ZNF330: variants seen among roughly 807,000 people sequenced by gnomAD.
The protein encoded by ZNF330 is nucleolar atypical zinc finger, also known as zinc finger protein 330.
In ZNF330, 31 loss-of-function variants were observed where a neutral mutation model predicts 45.5. That is an observed-to-expected ratio of 0.68 (90% CI 0.51 to 0.92). ZNF330 has a LOEUF of 0.92. Among genes scored for constraint, ZNF330 ranks in the 40% least tolerant of loss-of-function variants. ZNF330 has a pLI of 0.00. For missense variants in ZNF330, 356 were observed against 387.4 expected (o/e 0.92, Z 0.68); for synonymous variants, 138 against 123.2 (o/e 1.12, Z -0.79).
chr4:141,224,811 TAACAA>T (rs2111248661), intron 4 of ZNF330, 134 bp downstream of exon 4: 6 of 707,836 alleles, frequency 8.5e-6, no homozygotes, highest in Admixed American at 2.8e-5. Flanking sequence ...ATTAACAAAA[TAACAA>T]AACATGTTAT....
rs372382374 is a variant in ZNF330 at position 141,234,009 on chromosome 4, G to C, written c.*20G>C. On this transcript the variant is annotated 3_prime_UTR_variant, in exon 10 of 10. Coordinates refer to ENST00000262990, the MANE Select transcript of ZNF330 (RefSeq NM_014487.6). ...AACTAGGGGAGCTGCTCTGGTGGCCGTGTGTGAGAGGAGCAGGAGTGAGTG... is the reference window on the plus strand; with the variant it reads ...AACTAGGGGAGCTGCTCTGGTGGCCCTGTGTGAGAGGAGCAGGAGTGAGTG... 1.5e-5 allele frequency: 24 copies of C among 1,597,732 alleles called. No individual in the cohort carries two copies. In the South Asian group the frequency reaches 2.7e-4, roughly 18 times the overall value.
intron 9 of ZNF330, 23 bp downstream of exon 9, chr4:141,232,665 G>T: frequency 7.4e-7 from 1 of 1,346,198 alleles, no homozygotes. Context: ...AGATACTAAG[G>T]AAGTGATTTT....
At position 141,230,200 on chromosome 4, in the gene ZNF330, CT is replaced by C; in HGVS notation, c.456del (p.Leu153SerfsTer16). On this transcript the variant is annotated frameshift_variant, in exon 7 of 10. Transcript: ENST00000262990. LOFTEE classifies it high-confidence loss of function. ...RIFSCSFCHN[F>X]LCEDDQFEHQ... Reference sequence around the variant, plus strand: ...TATTCAGTTGTTCTTTTTGCCATAACTTTCTCTGTGAAGATGATCAATTTGA... The same window carrying C: ...TATTCAGTTGTTCTTTTTGCCATAACTTCTCTGTGAAGATGATCAATTTGA... 1 of 1,610,998 alleles carries C rather than the reference CT, an allele frequency of 6.2e-7. No individual in the cohort carries two copies. The highest frequency in any genetic ancestry group is 8.5e-7 in the Non-Finnish European group (1 of 1,178,442).
chr4:141,232,640 C>T lies in ZNF330; in HGVS notation c.686C>T (p.Ser229Leu). ...CAGGAGACTAAGGACCTTAGCATGT[C>T]AAGTAAGGCCCTTAAGATACTAAGG... The part of the protein sequence containing the change: ...ETQETKDLSM[S>L]TRSLKFGRQT... The change falls in exon 9 of 10, where the codon TCA becomes TTA. Residue 229 changes from serine to leucine, a missense_variant and splice_region_variant. Transcript: ENST00000262990. 1 of 1,526,736 alleles carries T rather than the reference C, an allele frequency of 6.5e-7. No individual in the cohort carries two copies. Among genetic ancestry groups the T allele is most frequent in the Non-Finnish European group, 8.8e-7 (1 of 1,131,422 alleles). 94.6% of individuals were successfully genotyped at this position (1,526,736 alleles called of 1,614,324 possible).
rs774609851 is a variant in ZNF330, at chr4:141,224,682, G to A, written c.211+5G>A. 1.2e-6 allele frequency: 2 copies of A among 1,611,474 alleles called. No homozygotes were observed. Among genetic ancestry groups the A allele is most frequent in the South Asian group, 2.2e-5 (2 of 90,422 alleles). On this transcript the variant is annotated splice_donor_5th_base_variant and intron_variant, in intron 4 of 9. Coordinates refer to ENST00000262990, the MANE Select transcript of ZNF330 (RefSeq NM_014487.6). ...TACCAATTTGTGCACAGTGTGGTAA[G>A]TTTGTAATAATTAAGGACATATGCT...
chr4:141,233,759 G>T lies in ZNF330; in HGVS notation c.733G>T (p.Asp245Tyr), dbSNP rs1689923205. The T allele has an allele frequency of 6.2e-7, 1 of 1,613,590 alleles. No individual in the cohort carries two copies. The highest frequency in any genetic ancestry group is 8.5e-7 in the Non-Finnish European group (1 of 1,179,718). The change falls in exon 10 of 10, where the codon GAT becomes TAT. Residue 245 changes from aspartate to tyrosine, a missense_variant. By Grantham distance (160) the Asp-to-Tyr change is radical. Transcript: ENST00000262990. ...CAGGCAGACTGGAGGTGAAGAGGGA[G>T]ATGGAGCTTCTGGGTATGATGCTTA... ...FGRQTGGEEG[D>Y]GASGYDAYWK...
rs760892522 is a variant in ZNF330 at position 141,233,949 on chromosome 4, A to G, written c.923A>G (p.Tyr308Cys). The change falls in exon 10 of 10, where the codon TAT becomes TGT. Residue 308 changes from tyrosine to cysteine, a missense_variant. Tyr to Cys is a radical substitution (Grantham distance 194). Coordinates refer to ENST00000262990, the MANE Select transcript of ZNF330 (RefSeq NM_014487.6). The stretch of plus-strand genomic sequence containing the variant: ...ACTAATTTGAATTTAGGAAGGACCT[A>G]TGCTAGTGGCTATGCTCACTATGAG... ...LFTNLNLGRT[Y>C]ASGYAHYEEQ... 1.9e-6 allele frequency: 3 copies of G among 1,613,672 alleles called. No homozygotes were observed. Among genetic ancestry groups the G allele is most frequent in the Admixed American group, 1.7e-5 (1 of 60,000 alleles).
At chr4:141,231,386 G>T in intron 7 of ZNF330, 53 bp from the exon 8 acceptor site, 1 of 1,524,646 alleles carries the variant, frequency 6.6e-7, no homozygotes, top group Non-Finnish European at 8.9e-7. Context: ...AAAGACAAAA[G>T]AAAATTCTAA....
intron 5 of ZNF330, 75 bp from the exon 6 acceptor site, chr4:141,229,496 A>G: frequency 6.3e-7 from 1 of 1,583,714 alleles, no homozygotes; most frequent in East Asian, 2.2e-5. Context: ...TACAGTTTTG[A>G]TGGTTGCCGT....
intron 5 of ZNF330, 83 bp from the exon 6 acceptor site, chr4:141,229,488 C>G (rs1728894893): frequency 6.4e-7 from 1 of 1,555,442 alleles, no homozygotes; most frequent in African/African-American, 1.4e-5. Context: ...TAAATGTATA[C>G]AGTTTTGATG....
rs1169409501 is a variant in ZNF330 at position 141,233,832 on chromosome 4, A to T, written c.806A>T (p.Asp269Val). The T allele has an allele frequency of 6.2e-7, 1 of 1,613,772 alleles. No homozygotes were observed. ...AAGTATGGTGATACCAGCTACCACG[A>T]TGAGGAGGAGGATGAGTATGAAGCA... Reference protein sequence around the residue: ...SDKYGDTSYHDEEEDEYEAED... With the variant: ...SDKYGDTSYHVEEEDEYEAED... Residue 269 changes from aspartate to valine, a missense_variant, in exon 10 of 10, where the codon GAT (aspartate) becomes GTT (valine). Asp to Val is a radical substitution (Grantham distance 152). Transcript: ENST00000262990.
chr4:141,233,766 C>T lies in ZNF330; in HGVS notation c.740C>T (p.Ala247Val). ...ACTGGAGGTGAAGAGGGAGATGGAG[C>T]TTCTGGGTATGATGCTTATTGGAAG... ...RQTGGEEGDG[A>V]SGYDAYWKNL... The change falls in exon 10 of 10, where the codon GCT becomes GTT. Residue 247 changes from alanine to valine, a missense_variant. Transcript: ENST00000262990. 1 of 1,613,494 alleles carries T rather than the reference C, an allele frequency of 6.2e-7. No homozygotes were observed.
chr4:141,225,360 A>G (rs1728779406), intron 4 of ZNF330, among the ~76,000 whole-genome samples: 1 of 152,020 alleles, frequency 6.6e-6, no homozygotes, highest in South Asian at 2.1e-4. Context: ...ATCGATATAC[A>G]TTTGAGAAAT....
At chr4:141,221,343 GAGA>G (rs905528227) in intron 1 of ZNF330, among the ~76,000 whole-genome samples, 5 of 152,296 alleles carry the variant, frequency 3.3e-5, no homozygotes, top group South Asian at 4.1e-4. Context: ...GTATAAGGCT[GAGA>G]AGAAGATTCA....
chr4:141,224,078 C>A (rs913379749), intron 2 of ZNF330: 1 of 289,892 alleles, frequency 3.4e-6, no homozygotes, highest in Admixed American at 4.7e-5. Context: ...CTCTTTGGAA[C>A]GGTGCCTTAG....
Position 141,229,654 on chromosome 4 carries a change from C to G in ZNF330, c.375C>G (p.Thr125=), listed in dbSNP as rs375273795. 3.1e-6 allele frequency: 5 copies of G among 1,612,910 alleles called. No individual in the cohort carries two copies. The African/African-American group carries it at 5.3e-5, about 17-fold the overall frequency. ...CACATGCTTGTGCCTGCCCTCTTACCGATGCTGAGTGTGTTGAATGTGAAC... is the reference window on the plus strand; with the variant it reads ...CACATGCTTGTGCCTGCCCTCTTACGGATGCTGAGTGTGTTGAATGTGAAC... ...LSTHACACPL[T]DAECVECERG... is the part of the protein sequence containing the mutation. The change falls in exon 6 of 10, where the codon ACC becomes ACG. Residue 125 remains threonine (T), a synonymous_variant. Coordinates refer to ENST00000262990, the MANE Select transcript of ZNF330 (RefSeq NM_014487.6).
chr4:141,223,788 T>C (rs756006584), intron 2 of ZNF330: 18 of 456,096 alleles, frequency 3.9e-5, no homozygotes, highest in Non-Finnish European at 7.5e-5. Context: ...GTGATAAAGT[T>C]GGCTGTGTGT....
At chr4:141,221,884 T>G (rs563008499) in intron 1 of ZNF330, among the ~76,000 whole-genome samples, 1 of 152,294 alleles carries the variant, frequency 6.6e-6, no homozygotes, top group Non-Finnish European at 1.5e-5. Context: ...GATGTTTTGT[T>G]TACATATTAC....
chr4:141,221,920 T>A (rs1016503827), intron 1 of ZNF330, among the ~76,000 whole-genome samples: 8 of 152,320 alleles, frequency 5.3e-5, no homozygotes, highest in African/African-American at 1.7e-4. Context: ...CTTGTTATAC[T>A]TAAGGTGTTG....
Sources: allele counts gnomAD v4.1 joint callset (sites outside exome capture counted in the v4.1 genomes callset), GRCh38; gene constraint gnomAD v4.1.1; transcripts MANE v1.5; gene names NCBI Gene and HGNC (gene_info 2026-07-23, HGNC 2026-07-21).